Variants in SEMA3A observed in about 807,000 individuals in gnomAD.
SEMA3A encodes the protein semaphorin 3A.
SEMA3A carries 29 observed loss-of-function variants against 97.9 expected under a neutral mutation model. The observed-to-expected ratio is 0.30, with a 90% CI of 0.22 to 0.40. The LOEUF is 0.40. Ranked by LOEUF, SEMA3A falls within the 10% of genes least tolerant of loss-of-function variation. SEMA3A has a pLI of 1.00. For synonymous variants in SEMA3A, 321 were observed against 323.7 expected, an observed-to-expected ratio of 0.99 and a Z score of 0.09; for missense variants, 763 against 951.3, an observed-to-expected ratio of 0.80 and a Z score of 2.60.
intron 2 of SEMA3A, among the ~76,000 whole-genome samples, chr7:84,308,175 G>A (rs969415006): frequency 1.3e-5 from 2 of 151,802 alleles, no homozygotes; most frequent in African/African-American, 4.8e-5. Context: ...GGGAACTATA[G>A]AATATTTCTA....
At chr7:83,980,774 G>A (rs1789383124) in intron 14 of SEMA3A, among the ~76,000 whole-genome samples, 1 of 151,318 alleles carries the variant, frequency 6.6e-6, no homozygotes, top group Admixed American at 6.6e-5. Context: ...AATGCAAGGT[G>A]ATGCTATAAT....
chr7:84,242,898 G>T (rs1393648047), intron 3 of SEMA3A, among the ~76,000 whole-genome samples: 1 of 152,050 alleles, frequency 6.6e-6, no homozygotes, highest in East Asian at 1.9e-4. Flanking sequence ...ATAATTGTGT[G>T]GTTTTTGTCA....
intron 1 of SEMA3A, among the ~76,000 whole-genome samples, chr7:84,416,624 G>A (rs1053042655): frequency 2.6e-5 from 4 of 152,168 alleles, no homozygotes; most frequent in South Asian, 2.1e-4. Flanking sequence ...GCTTAAAAAC[G>A]CAAAGGTTTG....
chr7:84,028,737 T>C (rs1791633224), intron 6 of SEMA3A, among the ~76,000 whole-genome samples: 1 of 152,174 alleles, frequency 6.6e-6, no homozygotes, highest in African/African-American at 2.4e-5. Flanking sequence ...CCCGAGTAGC[T>C]GGGACTACAG....
chr7:84,462,106 C>T (rs1263904394), intron 1 of SEMA3A, among the ~76,000 whole-genome samples: 1 of 152,032 alleles, frequency 6.6e-6, no homozygotes, highest in Admixed American at 6.6e-5. Flanking sequence ...TATATAATGT[C>T]TCATACAAGA....
chr7:84,067,542 C>G (rs1236024442), intron 4 of SEMA3A, among the ~76,000 whole-genome samples: 2 of 152,018 alleles, frequency 1.3e-5, no homozygotes, highest in South Asian at 2.1e-4. Context: ...GGGCTAATAT[C>G]CAGAATCTAC....
intron 1 of SEMA3A, among the ~76,000 whole-genome samples, chr7:84,386,820 C>A (rs376697313): frequency 2.6e-5 from 4 of 151,704 alleles, no homozygotes; most frequent in Non-Finnish European, 5.9e-5. Context: ...GCCAACATGG[C>A]GAAACCCTGT....
intron 3 of SEMA3A, among the ~76,000 whole-genome samples, chr7:84,228,788 C>T (rs561737870): frequency 1.3e-5 from 2 of 152,170 alleles, no homozygotes; most frequent in South Asian, 2.1e-4. Flanking sequence ...ACCTTCCTGT[C>T]TGTTTTTCCA....
chr7:84,000,196 CTGT>C (rs918168434), intron 12 of SEMA3A, among the ~76,000 whole-genome samples: 2 of 151,916 alleles, frequency 1.3e-5, no homozygotes, highest in African/African-American at 4.8e-5. Flanking sequence ...CAGTTGTTAG[CTGT>C]TGTTGTTTTT....
intron 1 of SEMA3A, among the ~76,000 whole-genome samples, chr7:84,175,805 G>A (rs1383795324): frequency 6.6e-6 from 1 of 151,968 alleles, no homozygotes; most frequent in East Asian, 1.9e-4. Context: ...TACATCAGTT[G>A]TAGATATGTA....
At chr7:84,306,618 G>C (rs888577879) in intron 3 of SEMA3A, 1 of 152,048 alleles carries the variant, frequency 6.6e-6, no homozygotes, top group Non-Finnish European at 1.5e-5. Flanking sequence ...AAACCTTTAT[G>C]GTTGAAAAGC....
chr7:84,037,769 GTAA>G (rs549517454), intron 6 of SEMA3A, among the ~76,000 whole-genome samples: 33 of 151,860 alleles, frequency 2.2e-4, no homozygotes, highest in Admixed American at 1.2e-3. Flanking sequence ...GATTTTTAAA[GTAA>G]TAATAATAAC....
intron 3 of SEMA3A, among the ~76,000 whole-genome samples, chr7:84,235,471 T>C (rs1055084441): frequency 2.0e-5 from 3 of 152,142 alleles, no homozygotes; most frequent in Admixed American, 6.6e-5. Flanking sequence ...TTGATATTAT[T>C]GTTTCTTCTT....
chr7:84,110,307 T>C (rs1795238191), intron 4 of SEMA3A, among the ~76,000 whole-genome samples, 163 bp downstream of exon 4: 1 of 152,178 alleles, frequency 6.6e-6, no homozygotes, highest in Non-Finnish European at 1.5e-5. Flanking sequence ...ATGTTCTCAT[T>C]CTTTTTGCAT....
chr7:84,064,916 G>A (rs1232372643), intron 4 of SEMA3A, among the ~76,000 whole-genome samples: 19 of 152,292 alleles, frequency 1.2e-4, no homozygotes, highest in South Asian at 1.2e-3. Context: ...TGCGCCAAGC[G>A]GACCTAATAG....
intron 1 of SEMA3A, among the ~76,000 whole-genome samples, chr7:84,465,785 T>G (rs2116398318): frequency 6.6e-6 from 1 of 152,278 alleles, no homozygotes; most frequent in South Asian, 2.1e-4. Flanking sequence ...TCTACTCATT[T>G]TGACTACTTA....
intron 1 of SEMA3A, among the ~76,000 whole-genome samples, chr7:84,147,973 G>C (rs988556436): frequency 6.6e-6 from 1 of 151,974 alleles, no homozygotes; most frequent in Non-Finnish European, 1.5e-5. Context: ...GCAGTAGCAT[G>C]ATCTTGGCTC....
intron 4 of SEMA3A, among the ~76,000 whole-genome samples, chr7:84,087,233 C>T (rs1366096787): frequency 1.3e-5 from 2 of 152,102 alleles, no homozygotes; most frequent in African/African-American, 4.8e-5. Flanking sequence ...CAAATCATGG[C>T]TCTGTGATTC....
intron 12 of SEMA3A, among the ~76,000 whole-genome samples, chr7:83,986,302 A>G (rs933429486): frequency 2.0e-5 from 3 of 152,170 alleles, no homozygotes; most frequent in African/African-American, 7.2e-5. Context: ...GCGAGGACCT[A>G]CACTCAGGTC....
Sources: gnomAD v4.1 joint callset for allele counts (sites outside exome capture counted in the v4.1 genomes callset) on GRCh38, gnomAD v4.1.1 for gene constraint, MANE v1.5 for transcripts, NCBI Gene and HGNC (gene_info 2026-07-23, HGNC 2026-07-21) for gene names.